Variants in SNX29 observed in about 807,000 individuals in gnomAD.
SNX29 encodes sorting nexin-29.
In SNX29, 78 loss-of-function variants were observed where a neutral mutation model predicts 102.1. That is an observed-to-expected ratio of 0.76 (90% confidence interval 0.64 to 0.92). The LOEUF (loss-of-function observed/expected upper bound fraction) is 0.92, where lower values mean the gene tolerates loss of function less well. Ranked by LOEUF, SNX29 falls within the 40% of genes least tolerant of loss-of-function variation. The pLI is 0.00. For synonymous variants in SNX29, 580 were observed against 414.5 expected, an observed-to-expected ratio of 1.40 and a Z score of -4.85; for missense variants, 1,280 against 1,061.7, an observed-to-expected ratio of 1.21 and a Z score of -2.86.
chr16:12,097,994 C>T lies in SNX29; in HGVS notation c.1402+19079C>T, dbSNP rs139090548. ...AGAGCACCCCAGGCTCCTGCAGTCC[C>T]ACATGAAGGGCTCACGTCCTGGCTT... On this transcript the variant is annotated intron_variant, in intron 11 of 20. Coordinates refer to ENST00000566228, the MANE Select transcript of SNX29 (RefSeq NM_032167.5). Among the ~76,000 whole-genome samples, 848 of 152,350 alleles carry T rather than the reference C, an allele frequency of 5.6e-3. 9 individuals are homozygous for T. Among genetic ancestry groups the T allele is most frequent in the Non-Finnish European group, 7.6e-3 (514 of 68,034 alleles).
chr16:12,394,910 C>A (rs1177011535), intron 16 of SNX29, among the ~76,000 whole-genome samples: 2 of 152,134 alleles, frequency 1.3e-5, no homozygotes, highest in East Asian at 3.9e-4. Context: ...TTTGATGATA[C>A]TGGGTGGTGG....
At chr16:12,267,528 C>T (rs1218300554) in intron 14 of SNX29, among the ~76,000 whole-genome samples, 5 of 152,152 alleles carry the variant, frequency 3.3e-5, no homozygotes, top group African/African-American at 1.2e-4. Flanking sequence ...CCCTTAGCAC[C>T]TTTATTGCTG....
rs574906508 is a variant in SNX29 at position 12,003,728 on chromosome 16, C to T, written c.122+685C>T. Reference sequence around the variant, plus strand: ...ACAAAAATAATTCCTAAAAATGGGCCGGGTGCGGTGGCTCATGCCAATAAT... The same window carrying T: ...ACAAAAATAATTCCTAAAAATGGGCTGGGTGCGGTGGCTCATGCCAATAAT... On this transcript the variant is annotated intron_variant, in intron 3 of 20. Transcript: ENST00000566228. Among the ~76,000 whole-genome samples the T allele has an allele frequency of 5.9e-5, 9 of 152,256 alleles. No individual in the cohort carries two copies. The East Asian group carries it at 1.5e-3, about 26-fold the overall frequency.
intron 13 of SNX29, among the ~76,000 whole-genome samples, chr16:12,189,454 C>A (rs2076589562): frequency 6.6e-6 from 1 of 152,078 alleles, no homozygotes; most frequent in South Asian, 2.1e-4. Flanking sequence ...CTTGATGTTT[C>A]CTTTTGATTA....
chr16:12,418,799 G>A (rs2084754662), intron 18 of SNX29, among the ~76,000 whole-genome samples: 1 of 152,180 alleles, frequency 6.6e-6, no homozygotes, highest in Non-Finnish European at 1.5e-5. Context: ...ACAGATGTGA[G>A]CCACAGCACC....
chr16:12,559,270 T>TCAG (rs1322670268), intron 20 of SNX29, among the ~76,000 whole-genome samples: 1 of 152,080 alleles, frequency 6.6e-6, no homozygotes, highest in East Asian at 1.9e-4. Context: ...GCCTGTCAGA[T>TCAG]CAGCAGCAGC....
chr16:12,525,235 T>G (rs2076746215), intron 20 of SNX29, among the ~76,000 whole-genome samples: 1 of 152,004 alleles, frequency 6.6e-6, no homozygotes, highest in Non-Finnish European at 1.5e-5. Context: ...TCTCCCAGAC[T>G]CCTACCAGTA....
chr16:12,243,515 T>A (rs1431878530), intron 14 of SNX29, among the ~76,000 whole-genome samples: 1 of 152,238 alleles, frequency 6.6e-6, no homozygotes, highest in Non-Finnish European at 1.5e-5. Context: ...TTTTACTAGA[T>A]CCTGCTGGTT....
At chr16:12,171,640 A>T (rs1386083815) in intron 13 of SNX29, among the ~76,000 whole-genome samples, 1 of 152,236 alleles carries the variant, frequency 6.6e-6, no homozygotes, top group African/African-American at 2.4e-5. Flanking sequence ...AACCTTGGCA[A>T]GTGCCAAGAG....
chr16:12,488,202 C>T (rs1476797474), intron 19 of SNX29, among the ~76,000 whole-genome samples: 2 of 152,044 alleles, frequency 1.3e-5, no homozygotes, highest in Non-Finnish European at 2.9e-5. Flanking sequence ...AGCATATTTG[C>T]TGTTCTGTTC....
At chr16:12,173,592 C>T (rs575603841) in intron 13 of SNX29, among the ~76,000 whole-genome samples, 17 of 152,278 alleles carry the variant, frequency 1.1e-4, no homozygotes, top group Admixed American at 2.6e-4. Flanking sequence ...GCTTCCTCTA[C>T]GTCCCAATCA....
Position 12,572,354 on chromosome 16 carries a change from A to G in SNX29, c.*3725A>G. 9.4e-7 allele frequency: 1 copy of G among 1,063,056 alleles called. No individual in the cohort carries two copies. Among genetic ancestry groups the G allele is most frequent in the Non-Finnish European group, 1.1e-6 (1 of 877,792 alleles). 65.9% of individuals were successfully genotyped at this position (1,063,056 alleles called of 1,614,324 possible). Reference sequence around the variant, plus strand: ...CCACCAGCCTGCCTGGTTGATGGACAGCAGGCTCTGCCTTCTGGAGGCGGC... The same window carrying G: ...CCACCAGCCTGCCTGGTTGATGGACGGCAGGCTCTGCCTTCTGGAGGCGGC... On this transcript the variant is annotated 3_prime_UTR_variant, in exon 21 of 21. Transcript: ENST00000566228.
At chr16:12,027,785 G>A in intron 4 of SNX29, 1 of 179,244 alleles carries the variant, frequency 5.6e-6, no homozygotes, top group Non-Finnish European at 1.2e-5. Flanking sequence ...AGGATAGCAT[G>A]GCATTTCATA....
At chr16:12,356,102 C>G in intron 15 of SNX29, 61 bp from the exon 16 acceptor site, 2 of 1,488,930 alleles carry the variant, frequency 1.3e-6, no homozygotes, top group South Asian at 2.4e-5. Context: ...CCAGAGAAGG[C>G]GGGATTGGTC....
At chr16:12,392,431 C>T (rs1003658390) in intron 16 of SNX29, among the ~76,000 whole-genome samples, 4 of 152,206 alleles carry the variant, frequency 2.6e-5, no homozygotes, top group African/African-American at 4.8e-5. Context: ...TTGCCTCCCA[C>T]CCTTTCCCTG....
At chr16:12,551,852 G>C (rs906969611) in intron 20 of SNX29, among the ~76,000 whole-genome samples, 1 of 152,134 alleles carries the variant, frequency 6.6e-6, no homozygotes, top group South Asian at 2.1e-4. Flanking sequence ...TGGGGACACA[G>C]GAGCAGGCAG....
chr16:12,280,378 G>A (rs2079393296), intron 15 of SNX29, among the ~76,000 whole-genome samples: 1 of 152,180 alleles, frequency 6.6e-6, no homozygotes, highest in Non-Finnish European at 1.5e-5. Flanking sequence ...AGAGGATCAG[G>A]TCATGTGGGG....
chr16:12,327,081 C>G (rs1874870651), intron 15 of SNX29, among the ~76,000 whole-genome samples: 1 of 152,166 alleles, frequency 6.6e-6, no homozygotes, highest in Non-Finnish European at 1.5e-5. Flanking sequence ...CATGACCCCT[C>G]TTCGTGGGTC....
intron 14 of SNX29, among the ~76,000 whole-genome samples, chr16:12,258,374 C>G (rs144692226): frequency 2.0e-5 from 3 of 152,100 alleles, no homozygotes; most frequent in Admixed American, 6.6e-5. Context: ...GAACATTCCC[C>G]CCGTGATAGC....
Sources: allele counts gnomAD v4.1 joint callset (sites outside exome capture counted in the v4.1 genomes callset), GRCh38; gene constraint gnomAD v4.1.1; transcripts MANE v1.5; gene names NCBI Gene and HGNC (gene_info 2026-07-23, HGNC 2026-07-21).